The following DSCAM variants were observed in gnomAD, a reference collection of about 807,000 sequenced individuals.
DSCAM encodes the protein cell adhesion molecule DSCAM.
A neutral mutation model predicts 217.7 loss-of-function variants in DSCAM; 47 were observed. The observed-to-expected ratio is 0.22, with a 90% CI of 0.17 to 0.28. DSCAM has a LOEUF of 0.28. Ranked by LOEUF, DSCAM falls within the 10% of genes least tolerant of loss-of-function variation. DSCAM has a pLI of 1.00. For missense variants in DSCAM, 2,080 were observed against 2,618.3 expected (o/e 0.79, Z 4.49); for synonymous variants, 1,056 against 1,015.3 (o/e 1.04, Z -0.76).
chr21:40,800,038 C>T (rs1387505124), intron 1 of DSCAM, among the ~76,000 whole-genome samples: 5 of 152,072 alleles, frequency 3.3e-5, no homozygotes, highest in Non-Finnish European at 7.4e-5. Context: ...AATAGATTAT[C>T]ACAGGAGTGA....
At chr21:40,347,254 T>C (rs1314215524) in intron 6 of DSCAM, among the ~76,000 whole-genome samples, 2 of 145,052 alleles carry the variant, frequency 1.4e-5, no homozygotes, top group East Asian at 4.0e-4. Context: ...GCTGAGACTG[T>C]GCCACTGCAC....
intron 3 of DSCAM, among the ~76,000 whole-genome samples, chr21:40,582,750 A>G (rs1019720554): frequency 2.0e-5 from 3 of 152,122 alleles, no homozygotes; most frequent in African/African-American, 7.2e-5. Context: ...AGTTGAGATG[A>G]TATTTTGAAC....
chr21:40,028,378 C>CA (rs1482974988), intron 32 of DSCAM, among the ~76,000 whole-genome samples: 1 of 144,820 alleles, frequency 6.9e-6, no homozygotes, highest in Non-Finnish European at 1.5e-5. Flanking sequence ...GGGCTCCACC[C>CA]AGTTCGAGCT....
chr21:40,204,688 A>T (rs1334179223), intron 11 of DSCAM, among the ~76,000 whole-genome samples: 1 of 152,208 alleles, frequency 6.6e-6, no homozygotes, highest in Non-Finnish European at 1.5e-5. Context: ...AGCCAGAACC[A>T]GCGCCTTTAC....
chr21:40,633,462 T>C (rs931988814), intron 3 of DSCAM, among the ~76,000 whole-genome samples: 4 of 152,188 alleles, frequency 2.6e-5, no homozygotes, highest in African/African-American at 7.2e-5. Flanking sequence ...TCTCAGTAAA[T>C]AGCATCTTAA....
At chr21:40,785,916 A>G (rs1201077834) in intron 1 of DSCAM, among the ~76,000 whole-genome samples, 1 of 152,146 alleles carries the variant, frequency 6.6e-6, no homozygotes, top group African/African-American at 2.4e-5. Context: ...TTTTTCCCTA[A>G]TGCTGATATG....
chr21:40,724,357 G>T (rs2090932858), intron 1 of DSCAM, among the ~76,000 whole-genome samples: 1 of 152,054 alleles, frequency 6.6e-6, no homozygotes, highest in African/African-American at 2.4e-5. Context: ...TAGAACAAAC[G>T]AATGAAGAAA....
At chr21:40,567,372 T>TG (rs961679898) in intron 3 of DSCAM, among the ~76,000 whole-genome samples, 1 of 152,248 alleles carries the variant, frequency 6.6e-6, no homozygotes, top group African/African-American at 2.4e-5. Flanking sequence ...TGAAAGTGCC[T>TG]GGTTTAGTGC....
intron 3 of DSCAM, among the ~76,000 whole-genome samples, chr21:40,622,783 C>T (rs2089538934): frequency 6.6e-6 from 1 of 151,402 alleles, no homozygotes; most frequent in Non-Finnish European, 1.5e-5. Context: ...CCCAGTCGTG[C>T]TTTCCACTGA....
At chr21:40,417,714 C>A (rs2066202149) in intron 3 of DSCAM, among the ~76,000 whole-genome samples, 1 of 152,004 alleles carries the variant, frequency 6.6e-6, no homozygotes, top group African/African-American at 2.4e-5. Context: ...TTTAACTTAG[C>A]AAATTATAAT....
rs114452161 is a variant in DSCAM, at chr21:40,436,894, C to T, written c.509-67649G>A. Among the ~76,000 whole-genome samples the T allele has an allele frequency of 4.7e-3, 708 of 152,252 alleles. 5 individuals are homozygous for T. The highest frequency in any genetic ancestry group is 0.016 in the African/African-American group (682 of 41,548). ...TAGATTTTATTACCTCAGTACCCTCCAGGGTGTTTAATAAGTTATTGTAAA... is the reference window on the plus strand; with the variant it reads ...TAGATTTTATTACCTCAGTACCCTCTAGGGTGTTTAATAAGTTATTGTAAA... On this transcript the variant is annotated intron_variant, in intron 3 of 32. Transcript: ENST00000400454.
intron 8 of DSCAM, among the ~76,000 whole-genome samples, chr21:40,312,933 C>T (rs573680183): frequency 7.2e-5 from 11 of 151,942 alleles, no homozygotes; most frequent in African/African-American, 2.2e-4. Context: ...GGCAACATAA[C>T]GGGACCCCCA....
intron 26 of DSCAM, among the ~76,000 whole-genome samples, chr21:40,077,198 G>A (rs142231873): frequency 2.5e-4 from 38 of 152,268 alleles, no homozygotes; most frequent in African/African-American, 7.0e-4. Context: ...CAGGGACCCC[G>A]GCTAGCGTAA....
At chr21:40,038,119 T>G (rs1221993540) in intron 32 of DSCAM, among the ~76,000 whole-genome samples, 2 of 151,878 alleles carry the variant, frequency 1.3e-5, no homozygotes, top group African/African-American at 4.8e-5. Flanking sequence ...AAGGACTTCA[T>G]GTCTAAAACA....
chr21:40,683,488 A>T (rs1312943398), intron 3 of DSCAM, among the ~76,000 whole-genome samples: 1 of 152,164 alleles, frequency 6.6e-6, no homozygotes, highest in East Asian at 1.9e-4. Context: ...AGAAAGAAGT[A>T]TGGAAGTTAG....
At chr21:40,080,515 C>T (rs2089440346) in intron 24 of DSCAM, among the ~76,000 whole-genome samples, 175 bp from the exon 25 acceptor site, 1 of 152,110 alleles carries the variant, frequency 6.6e-6, no homozygotes, top group South Asian at 2.1e-4. Context: ...CTGGGAGAAG[C>T]ACCATGATGT....
At chr21:40,340,867 T>G (rs2074483632) in intron 6 of DSCAM, among the ~76,000 whole-genome samples, 1 of 152,120 alleles carries the variant, frequency 6.6e-6, no homozygotes, top group East Asian at 1.9e-4. Context: ...CCAGACACCT[T>G]TGAGGAAAGT....
chr21:40,267,599 T>C (rs145264504), intron 11 of DSCAM, among the ~76,000 whole-genome samples: 1 of 152,298 alleles, frequency 6.6e-6, no homozygotes, highest in Non-Finnish European at 1.5e-5. Context: ...CTATATAACA[T>C]AAAATCTGGA....
At chr21:40,762,146 C>T (rs560639618) in intron 1 of DSCAM, among the ~76,000 whole-genome samples, 1 of 152,054 alleles carries the variant, frequency 6.6e-6, no homozygotes, top group Admixed American at 6.6e-5. Flanking sequence ...CATGAAAACA[C>T]CTTCAAAAAA....
Sources: allele counts gnomAD v4.1 joint callset (sites outside exome capture counted in the v4.1 genomes callset), GRCh38; gene constraint gnomAD v4.1.1; transcripts MANE v1.5; gene names NCBI Gene and HGNC (gene_info 2026-07-23, HGNC 2026-07-21).